The following ABCA13 variants were observed in gnomAD, a reference collection of about 807,000 sequenced individuals.
The protein encoded by ABCA13 is ATP binding cassette subfamily A member 13.
A neutral mutation model predicts 478.7 loss-of-function variants in ABCA13; 476 were observed. That is an observed-to-expected ratio of 0.99 (90% CI 0.92 to 1.07). The LOEUF is 1.07. Among genes scored for constraint, ABCA13 ranks in the 50% least tolerant of loss-of-function variants. The pLI is 0.00. For missense variants in ABCA13, 6,060 were observed against 5,910.6 expected (o/e 1.03, Z -0.83); for synonymous variants, 2,252 against 2,158.9 (o/e 1.04, Z -1.20).
intron 1 of ABCA13, among the ~76,000 whole-genome samples, chr7:48,190,934 A>G (rs1272233361): frequency 1.3e-5 from 2 of 152,140 alleles, no homozygotes; most frequent in African/African-American, 4.8e-5. Context: ...TCTATAAACC[A>G]TTTTCTGTTT....
chr7:48,334,258 G>A (rs1360496080), intron 27 of ABCA13, among the ~76,000 whole-genome samples: 1 of 151,830 alleles, frequency 6.6e-6, no homozygotes, highest in African/African-American at 2.4e-5. Flanking sequence ...CGTTTACTGA[G>A]TATTTGCTAT....
chr7:48,276,424 C>T lies in ABCA13; in HGVS notation c.6758C>T (p.Thr2253Ile), dbSNP rs1164437492. The T allele has an allele frequency of 1.3e-6, 2 of 1,567,852 alleles. No homozygotes were observed. Among genetic ancestry groups the T allele is most frequent in the East Asian group, 4.5e-5 (2 of 44,460 alleles). The change falls in exon 17 of 62, where the codon ACA becomes ATA. Residue 2253 changes from threonine to isoleucine, a missense_variant. Physicochemically the swap from Thr to Ile is moderately conservative, Grantham distance 89. This residue lies in a region of ABCA13 where 4,423 missense variants were observed against 4,309.1 expected (regional missense o/e 1.03). Transcript: ENST00000435803. The part of the protein sequence containing the change: ...NHMQSETSRK[T>I]VLSLRSIVDF... ...ATGCAGTCAGAAACTAGTAGGAAAA[C>T]AGTTCTCTCTCTGAGAAGCATAGTA... is the stretch of plus-strand genomic sequence containing the variant.
intron 29 of ABCA13, among the ~76,000 whole-genome samples, chr7:48,339,077 G>A (rs1806715968): frequency 6.6e-6 from 1 of 152,184 alleles, no homozygotes; most frequent in South Asian, 2.1e-4. Context: ...GCTCTCAGGA[G>A]CCTAACCCAG....
chr7:48,490,236 C>T (rs976137472), intron 48 of ABCA13, among the ~76,000 whole-genome samples: 4 of 152,094 alleles, frequency 2.6e-5, no homozygotes, highest in African/African-American at 9.7e-5. Flanking sequence ...AAAAATAGTA[C>T]AATAGTCATA....
At chr7:48,409,926 CAAA>C (rs58737850) in intron 39 of ABCA13, among the ~76,000 whole-genome samples, 5 of 124,122 alleles carry the variant, frequency 4.0e-5, no homozygotes, top group East Asian at 4.6e-4. Context: ...CTAAAAATAC[CAAA>C]AAAAAAAAAA....
At chr7:48,177,559 G>A (rs988127488) in intron 1 of ABCA13, among the ~76,000 whole-genome samples, 5 of 152,210 alleles carry the variant, frequency 3.3e-5, no homozygotes, top group African/African-American at 9.6e-5. Context: ...AGTGAGAGGC[G>A]AGAGGGTTCT....
intron 48 of ABCA13, among the ~76,000 whole-genome samples, chr7:48,492,440 T>C (rs1274404790): frequency 6.6e-6 from 1 of 151,390 alleles, no homozygotes; most frequent in Non-Finnish European, 1.5e-5. Context: ...TTCATCCATA[T>C]ATTTATTTCT....
chr7:48,266,092 G>A (rs1442321630), intron 15 of ABCA13, among the ~76,000 whole-genome samples: 1 of 151,580 alleles, frequency 6.6e-6, no homozygotes, highest in Middle Eastern at 3.2e-3. Context: ...TATTTTAAAT[G>A]TTAAATTAAC....
intron 3 of ABCA13, among the ~76,000 whole-genome samples, chr7:48,201,909 C>T (rs987893594): frequency 7.9e-5 from 12 of 151,930 alleles, no homozygotes; most frequent in Non-Finnish European, 1.3e-4. Flanking sequence ...GAGTTTCTTC[C>T]TTCTGGTGGG....
At chr7:48,208,919 T>G (rs1403974317) in intron 3 of ABCA13, among the ~76,000 whole-genome samples, 2 of 152,172 alleles carry the variant, frequency 1.3e-5, no homozygotes, top group Non-Finnish European at 2.9e-5. Context: ...CCCTGTTCAG[T>G]ATGCTAGTAG....
intron 41 of ABCA13, among the ~76,000 whole-genome samples, chr7:48,420,090 G>A (rs1256895527): frequency 2.6e-5 from 4 of 152,130 alleles, no homozygotes; most frequent in Admixed American, 1.3e-4. Flanking sequence ...CTGTTGTAGC[G>A]CTGAGGGTGC....
At position 48,201,228 on chromosome 7, in the gene ABCA13, T is replaced by C. The variant is rs116794573; in HGVS notation, c.287+2868T>C. ...GAATTTCCTTGAGCAAAGGCGTGTCTAAACTACTTAAGATCTTTAATTTAT... is the reference window on the plus strand; with the variant it reads ...GAATTTCCTTGAGCAAAGGCGTGTCCAAACTACTTAAGATCTTTAATTTAT... On this transcript the variant is annotated intron_variant, in intron 3 of 61. Coordinates refer to ENST00000435803, the MANE Select transcript of ABCA13 (RefSeq NM_152701.5). Among the ~76,000 whole-genome samples, 1,147 of 152,356 alleles carry C rather than the reference T, an allele frequency of 7.5e-3. 16 individuals are homozygous for C. The highest frequency in any genetic ancestry group is 0.026 in the African/African-American group (1,081 of 41,576).
chr7:48,242,871 C>G (rs1481825440), intron 10 of ABCA13: 1 of 152,250 alleles, frequency 6.6e-6, no homozygotes, highest in African/African-American at 2.4e-5. Flanking sequence ...GCCAATTGTT[C>G]ATATCTTTTT....
intron 58 of ABCA13, among the ~76,000 whole-genome samples, chr7:48,601,547 T>G (rs994942881): frequency 6.6e-6 from 1 of 152,220 alleles, no homozygotes; most frequent in Non-Finnish European, 1.5e-5. Flanking sequence ...GCAAGGGACA[T>G]GAACTAATTC....
At chr7:48,404,447 T>C (rs1406391810) in intron 39 of ABCA13, 1 of 169,100 alleles carries the variant, frequency 5.9e-6, no homozygotes, top group Non-Finnish European at 1.3e-5. Context: ...GTATTTTCTG[T>C]GAGAATACTC....
rs1796575341 is a variant in ABCA13, at chr7:48,278,340, T to C, written c.7146T>C (p.Asn2382=). Residue 2382 remains asparagine, a synonymous_variant, in exon 18 of 62, where the codon AAT becomes AAC. Transcript: ENST00000435803. Reference sequence around the variant, plus strand: ...CAATGAAAAATAAGACTGAAAATAATATAGACTTTTTCACAGTGGTGAGTC... The same window carrying C: ...CAATGAAAAATAAGACTGAAAATAACATAGACTTTTTCACAGTGGTGAGTC... ...ETSMKNKTEN[N]IDFFTVVSQL... is the part of the protein sequence containing the mutation. 2 of 1,613,216 alleles carry C rather than the reference T, an allele frequency of 1.2e-6. No homozygotes were observed. Among genetic ancestry groups the C allele is most frequent in the South Asian group, 2.2e-5 (2 of 91,014 alleles).
chr7:48,573,098 A>T (rs1467375393), intron 55 of ABCA13, among the ~76,000 whole-genome samples: 1 of 152,042 alleles, frequency 6.6e-6, no homozygotes, highest in Non-Finnish European at 1.5e-5. Flanking sequence ...ATCAAATTAT[A>T]TTAATGTTTC....
At chr7:48,634,767 A>G (rs1385556952) in intron 59 of ABCA13, among the ~76,000 whole-genome samples, 1 of 152,210 alleles carries the variant, frequency 6.6e-6, no homozygotes, top group Non-Finnish European at 1.5e-5. Flanking sequence ...AAGTATTATT[A>G]CTATAAATGT....
At chr7:48,254,164 T>C (rs1221384812) in intron 15 of ABCA13, among the ~76,000 whole-genome samples, 4 of 152,168 alleles carry the variant, frequency 2.6e-5, no homozygotes, top group African/African-American at 4.8e-5. Flanking sequence ...TTTTACTAAA[T>C]ATTTTCTGCC....
Sources: allele counts gnomAD v4.1 joint callset (sites outside exome capture counted in the v4.1 genomes callset), GRCh38; gene constraint gnomAD v4.1.1; regional missense constraint gnomAD v4.1.1; transcripts MANE v1.5; gene names NCBI Gene and HGNC (gene_info 2026-07-23, HGNC 2026-07-21).